Variants in ARID4A observed in about 807,000 individuals in gnomAD.
ARID4A encodes AT-rich interactive domain-containing protein 4A.
ARID4A carries 39 observed loss-of-function variants against 148.6 expected under a neutral mutation model. The observed-to-expected ratio is 0.26, with a 90% CI of 0.20 to 0.34. ARID4A has a LOEUF of 0.34. Ranked by LOEUF, ARID4A falls within the 10% of genes least tolerant of loss-of-function variation. ARID4A has a pLI of 1.00. For synonymous variants in ARID4A, 475 were observed against 481.2 expected (o/e 0.99, Z 0.17); for missense variants, 1,265 against 1,449.1 (o/e 0.87, Z 2.06).
At chr14:58,362,184 A>C (rs1338184841) in intron 19 of ARID4A, among the ~76,000 whole-genome samples, 1 of 152,234 alleles carries the variant, frequency 6.6e-6, no homozygotes, top group Non-Finnish European at 1.5e-5. Context: ...CTAAGAGAAC[A>C]CAGACTACTG....
At chr14:58,342,612 A>G (rs556210948) in intron 11 of ARID4A, among the ~76,000 whole-genome samples, 11 of 152,292 alleles carry the variant, frequency 7.2e-5, no homozygotes, top group African/African-American at 2.6e-4. Context: ...ATTCTGTAGG[A>G]TCATAAATAC....
In ARID4A at chr14:58,365,071, C is replaced by T. The variant is rs367872999; in HGVS notation, c.2982C>T (p.Ala994=). The T allele has an allele frequency of 1.2e-6, 2 of 1,613,964 alleles. No homozygotes were observed. Among genetic ancestry groups the T allele is most frequent in the South Asian group, 1.1e-5 (1 of 91,084 alleles). Reference sequence around the variant, plus strand: ...ACTCTCTTGTTTCTATTCCACCTGCCCTACCTCCTGTAGTCCAACATAACT... The same window carrying T: ...ACTCTCTTGTTTCTATTCCACCTGCTCTACCTCCTGTAGTCCAACATAACT... The part of the protein sequence containing the change: ...ESNSLVSIPP[A]LPPVVQHNFS... The change falls in exon 20 of 24, where the codon GCC becomes GCT. Residue 994 remains alanine (A), a synonymous_variant. Coordinates refer to ENST00000355431, the MANE Select transcript of ARID4A (RefSeq NM_002892.4).
chr14:58,307,840 C>T (rs916774741), intron 5 of ARID4A, among the ~76,000 whole-genome samples: 2 of 152,086 alleles, frequency 1.3e-5, no homozygotes, highest in African/African-American at 4.8e-5. Flanking sequence ...AAAAACTAAG[C>T]TTAATGTTAA....
intron 5 of ARID4A, among the ~76,000 whole-genome samples, chr14:58,307,805 A>G (rs2031723828): frequency 6.6e-6 from 1 of 152,222 alleles, no homozygotes; most frequent in Non-Finnish European, 1.5e-5. Flanking sequence ...GGGCAACAAG[A>G]GCAAAACTGC....
chr14:58,360,632 T>C (rs2035093451), intron 18 of ARID4A, among the ~76,000 whole-genome samples: 1 of 152,218 alleles, frequency 6.6e-6, no homozygotes, highest in South Asian at 2.1e-4. Flanking sequence ...TTACAAATTG[T>C]ACAATATTGT....
At chr14:58,302,849 A>G (rs1006166893) in intron 3 of ARID4A, among the ~76,000 whole-genome samples, 39 of 151,778 alleles carry the variant, frequency 2.6e-4, no homozygotes, top group African/African-American at 9.4e-4. Context: ...GGTCCCAGCT[A>G]CTCTGGAGGC....
intron 17 of ARID4A, among the ~76,000 whole-genome samples, chr14:58,356,712 T>C (rs1188759663): frequency 6.6e-6 from 1 of 151,284 alleles, no homozygotes; most frequent in Non-Finnish European, 1.5e-5. Context: ...TTTTTTTTTT[T>C]TTTTTTTTAA....
chr14:58,351,008 A>G (rs1594943719), intron 15 of ARID4A, 65 bp from the exon 16 acceptor site: 3 of 1,485,432 alleles, frequency 2.0e-6, no homozygotes, highest in Admixed American at 4.9e-5. Flanking sequence ...AGGAAAAGAT[A>G]TTTTTTCCTG....
At chr14:58,365,656 G>T (rs1488851564) in intron 21 of ARID4A, 34 bp downstream of exon 21, 1 of 1,565,862 alleles carries the variant, frequency 6.4e-7, no homozygotes. Context: ...TTTGTATAGT[G>T]TTAGTATTTT....
rs1257653749 is a variant in ARID4A at position 58,325,392 on chromosome 14, C to G, written c.582+1775C>G. 2.0e-5 allele frequency among the ~76,000 whole-genome samples: 3 copies of G among 152,090 alleles called. No individual in the cohort carries two copies. In the East Asian group the frequency reaches 5.8e-4, roughly 29 times the overall value. The stretch of plus-strand genomic sequence containing the variant: ...AACCTCCCTGGGCTTAGGTGATCCT[C>G]CCACCTCAGCCTCCTGAGTAGCTTG... On this transcript the variant is annotated intron_variant, in intron 8 of 23. Coordinates refer to ENST00000355431, the MANE Select transcript of ARID4A (RefSeq NM_002892.4).
intron 3 of ARID4A, among the ~76,000 whole-genome samples, chr14:58,303,002 CTT>C (rs998963519): frequency 2.0e-5 from 3 of 148,392 alleles, no homozygotes; most frequent in African/African-American, 4.9e-5. Flanking sequence ...TCTGAAATAA[CTT>C]TTTTTTTTGG....
At chr14:58,371,314 T>C (rs1344430590) in intron 23 of ARID4A, among the ~76,000 whole-genome samples, 1 of 152,076 alleles carries the variant, frequency 6.6e-6, no homozygotes, top group Non-Finnish European at 1.5e-5. Context: ...AAAGAGAAGA[T>C]AAAAGCAAAG....
chr14:58,303,589 A>G (rs1305588800), intron 3 of ARID4A: 4 of 470,288 alleles, frequency 8.5e-6, no homozygotes, highest in East Asian at 6.9e-5. Context: ...TGCCCAACAC[A>G]TAGAGTAGTG....
chr14:58,362,064 C>T (rs1420036001), intron 19 of ARID4A, among the ~76,000 whole-genome samples: 7 of 152,090 alleles, frequency 4.6e-5, no homozygotes, highest in Non-Finnish European at 1.0e-4. Context: ...AATTGACAAT[C>T]CATGCATCCT....
chr14:58,348,928 C>A (rs2034503102), intron 15 of ARID4A, among the ~76,000 whole-genome samples: 1 of 152,014 alleles, frequency 6.6e-6, no homozygotes, highest in Non-Finnish European at 1.5e-5. Context: ...TACATTCTCA[C>A]CGTTGCATAA....
At chr14:58,370,775 A>AT (rs11412752) in intron 23 of ARID4A, among the ~76,000 whole-genome samples, 82,290 of 151,292 alleles carry the variant, frequency 0.54, 22,973 homozygotes, top group Middle Eastern at 0.69. Context: ...CACCCAGCTA[A>AT]TTTTTTAGTT....
chr14:58,304,041 G>A (rs2031406788), intron 3 of ARID4A, among the ~76,000 whole-genome samples: 1 of 151,578 alleles, frequency 6.6e-6, no homozygotes, highest in Non-Finnish European at 1.5e-5. Context: ...AGCTGGGGAA[G>A]CGAAGGTTGA....
intron 17 of ARID4A, among the ~76,000 whole-genome samples, chr14:58,356,453 G>A (rs2034869812): frequency 6.6e-6 from 1 of 152,090 alleles, no homozygotes; most frequent in Admixed American, 6.6e-5. Flanking sequence ...TAGGCCCTCA[G>A]TAAATGTTCA....
At chr14:58,347,219 G>T in intron 14 of ARID4A, 102 bp downstream of exon 14, 1 of 594,756 alleles carries the variant, frequency 1.7e-6, no homozygotes, top group South Asian at 4.2e-5. Context: ...ATTAAAGTTA[G>T]AGAAAGTATA....
Sources: gnomAD v4.1 joint callset for allele counts (sites outside exome capture counted in the v4.1 genomes callset) on GRCh38, gnomAD v4.1.1 for gene constraint, MANE v1.5 for transcripts, NCBI Gene and HGNC (gene_info 2026-07-23, HGNC 2026-07-21) for gene names.